Variants in FGF14 observed in about 807,000 individuals in gnomAD.
FGF14 encodes the protein fibroblast growth factor 14.
FGF14 carries 5 observed loss-of-function variants against 25.5 expected under a neutral mutation model. The ratio of observed to expected loss-of-function variants is 0.20; its 90% CI spans 0.10 to 0.41. The LOEUF (loss-of-function observed/expected upper bound fraction) is 0.41. FGF14 is among the 10% of genes least tolerant of loss of function. The pLI is 1.00. For missense variants in FGF14, 222 were observed against 320.1 expected (o/e 0.69, Z 2.34); for synonymous variants, 138 against 118.3 (o/e 1.17, Z -1.08).
intron 1 of FGF14, among the ~76,000 whole-genome samples, chr13:101,928,035 G>C (rs2034489946): frequency 6.6e-6 from 1 of 152,092 alleles, no homozygotes; most frequent in Non-Finnish European, 1.5e-5. Flanking sequence ...AAAAAAAATA[G>C]TCCCTCTCTA....
chr13:102,240,533 T>G (rs2051543665), intron 1 of FGF14, among the ~76,000 whole-genome samples: 1 of 152,074 alleles, frequency 6.6e-6, no homozygotes, highest in Non-Finnish European at 1.5e-5. Flanking sequence ...GTTTATAGTC[T>G]CCCTCTTTCA....
intron 1 of FGF14, among the ~76,000 whole-genome samples, chr13:101,928,247 C>T (rs534237856): frequency 8.2e-4 from 125 of 152,136 alleles, no homozygotes; most frequent in Non-Finnish European, 1.5e-3. Context: ...TGCAGGCTTT[C>T]GGCTTCATTG....
intron 3 of FGF14, among the ~76,000 whole-genome samples, chr13:101,814,468 T>C (rs1040543188): frequency 6.6e-6 from 1 of 152,212 alleles, no homozygotes; most frequent in African/African-American, 2.4e-5. Flanking sequence ...AAGGGTAAAA[T>C]TCAATGAGTT....
intron 3 of FGF14, among the ~76,000 whole-genome samples, chr13:101,777,590 C>T (rs1030738647): frequency 3.3e-5 from 5 of 152,116 alleles, no homozygotes; most frequent in African/African-American, 1.2e-4. Flanking sequence ...ACAGATGCAT[C>T]AACATCTGGG....
chr13:101,967,381 T>C (rs2037280210), intron 1 of FGF14, among the ~76,000 whole-genome samples: 2 of 152,242 alleles, frequency 1.3e-5, no homozygotes, highest in Non-Finnish European at 2.9e-5. Context: ...TCCTTCTGAT[T>C]GTGGTAAAGT....
At chr13:102,352,104 C>T (rs2057295808) in intron 1 of FGF14, among the ~76,000 whole-genome samples, 1 of 152,046 alleles carries the variant, frequency 6.6e-6, no homozygotes, top group East Asian at 1.9e-4. Flanking sequence ...GGAGATACAC[C>T]TCATATTATA....
chr13:101,932,756 T>TAAAAAAAAAAAAAA (rs869271842), intron 1 of FGF14, among the ~76,000 whole-genome samples: 1 of 98,568 alleles, frequency 1.0e-5, no homozygotes, highest in Non-Finnish European at 2.0e-5. Context: ...AAAATTACAG[T>TAAAAAAAAAAAAAA]AAAAAAAAAA....
intron 3 of FGF14, among the ~76,000 whole-genome samples, chr13:101,777,778 A>T (rs1022225390): frequency 6.6e-6 from 1 of 152,150 alleles, no homozygotes; most frequent in African/African-American, 2.4e-5. Context: ...CCTGACCAAC[A>T]TGGTGAAACC....
At chr13:101,768,547 G>C (rs2038553176) in intron 3 of FGF14, among the ~76,000 whole-genome samples, 1 of 152,066 alleles carries the variant, frequency 6.6e-6, no homozygotes, top group African/African-American at 2.4e-5. Flanking sequence ...GAGAGGACTA[G>C]CACTACCCAA....
At chr13:102,347,419 A>AC (rs1193862093) in intron 1 of FGF14, among the ~76,000 whole-genome samples, 6 of 151,686 alleles carry the variant, frequency 4.0e-5, no homozygotes, top group Non-Finnish European at 7.4e-5. Context: ...GTCACAGAAG[A>AC]CCCCCCTGAG....
At chr13:101,776,989 G>T (rs1383126478) in intron 3 of FGF14, among the ~76,000 whole-genome samples, 1 of 152,108 alleles carries the variant, frequency 6.6e-6, no homozygotes, top group Non-Finnish European at 1.5e-5. Flanking sequence ...ATTCATGCAG[G>T]TGTCACCCTC....
At chr13:102,299,630 G>T (rs1437625882) in intron 1 of FGF14, among the ~76,000 whole-genome samples, 1 of 152,168 alleles carries the variant, frequency 6.6e-6, no homozygotes, top group Non-Finnish European at 1.5e-5. Context: ...ACAGCGGGAG[G>T]TGGAGAGGGA....
At chr13:101,916,983 C>T (rs1441800342), upstream of FGF14, among the ~76,000 whole-genome samples, 1 of 151,604 alleles carries the variant, frequency 6.6e-6, no homozygotes, top group Non-Finnish European at 1.5e-5. Flanking sequence ...GGAACCCCGG[C>T]GGGGGTCGCC....
chr13:102,230,176 A>G (rs1296766297), intron 1 of FGF14, among the ~76,000 whole-genome samples: 8 of 152,156 alleles, frequency 5.3e-5, no homozygotes, highest in African/African-American at 1.9e-4. Flanking sequence ...ACACAGCTAG[A>G]AGTCACTGTC....
chr13:102,335,822 C>A (rs1280467862), intron 1 of FGF14, among the ~76,000 whole-genome samples: 1 of 152,160 alleles, frequency 6.6e-6, no homozygotes, highest in African/African-American at 2.4e-5. Flanking sequence ...TGCAATATTT[C>A]AAACTTTTCA....
chr13:102,130,206 C>T (rs2046133812), intron 1 of FGF14, among the ~76,000 whole-genome samples: 1 of 152,022 alleles, frequency 6.6e-6, no homozygotes, highest in South Asian at 2.1e-4. Context: ...ACAAATATGC[C>T]CATGTCTGAC....
intron 3 of FGF14, among the ~76,000 whole-genome samples, chr13:101,853,412 C>G (rs1281790344): frequency 1.3e-5 from 2 of 151,998 alleles, no homozygotes; most frequent in African/African-American, 4.8e-5. Context: ...TCTGATAAAT[C>G]TGCACAAAAA....
At chr13:102,043,592 G>T (rs997416261) in intron 1 of FGF14, among the ~76,000 whole-genome samples, 2 of 152,108 alleles carry the variant, frequency 1.3e-5, no homozygotes, top group African/African-American at 4.8e-5. Context: ...TTAAAAAGAG[G>T]TAAAATGCAG....
intron 1 of FGF14, among the ~76,000 whole-genome samples, chr13:101,982,896 C>T (rs1324203204): frequency 2.0e-5 from 3 of 152,132 alleles, no homozygotes; most frequent in African/African-American, 7.2e-5. Context: ...GAATGTTTTC[C>T]TATACAAACC....
Sources: gnomAD v4.1 joint callset for allele counts (sites outside exome capture counted in the v4.1 genomes callset) on GRCh38, gnomAD v4.1.1 for gene constraint, MANE v1.5 for transcripts, NCBI Gene and HGNC (gene_info 2026-07-23, HGNC 2026-07-21) for gene names.